The following NLRP10 variants were observed in gnomAD, a reference collection of about 807,000 sequenced individuals.
The protein encoded by NLRP10 is NACHT, LRR and PYD domains-containing protein 10.
In NLRP10, 7 loss-of-function variants were observed where a neutral mutation model predicts 8.2. That is an observed-to-expected ratio of 0.85 (90% CI 0.48 to 1.60). NLRP10 has a LOEUF of 1.60. Among genes scored for constraint, NLRP10 ranks in the 40% most tolerant of loss-of-function variants. NLRP10 has a pLI of 0.00. For synonymous variants in NLRP10, 338 were observed against 314.0 expected (o/e 1.08, Z -0.81); for missense variants, 814 against 776.3 (o/e 1.05, Z -0.58).
rs1941649238 is a variant in NLRP10, at chr11:7,958,051, C to A, written c.*1593G>T. On this transcript the variant is annotated 3_prime_UTR_variant, in exon 3 of 3. Transcript: ENST00000691676. ...CATATCTTTTCATGTCTTAATTGCT[C>A]ATTTATTTTTATCACTGAATACTAT... Among the ~76,000 whole-genome samples the A allele has an allele frequency of 6.6e-6, 1 of 152,142 alleles. No homozygotes were observed. The highest frequency in any genetic ancestry group is 2.1e-4 in the South Asian group (1 of 4,824).
chr11:7,962,546 T>C (rs569078968), intron 2 of NLRP10, among the ~76,000 whole-genome samples: 1 of 152,248 alleles, frequency 6.6e-6, no homozygotes, highest in Admixed American at 6.5e-5. Flanking sequence ...GATAAGCCTG[T>C]TCTTGGGAAA....
intron 1 of NLRP10, 96 bp from the exon 2 acceptor site, chr11:7,963,636 C>T (rs547226652): frequency 1.2e-5 from 8 of 655,156 alleles, no homozygotes; most frequent in East Asian, 8.2e-5. Context: ...CAGGGAGAGA[C>T]GAGATACATG....
rs769424048 is a variant in NLRP10, at chr11:7,961,035, C to T, written c.577G>A (p.Gly193Ser). The T allele has an allele frequency of 1.7e-5, 27 of 1,614,066 alleles. No individual in the cohort carries two copies. In the East Asian group the frequency reaches 3.8e-4, roughly 23 times the overall value. ...TCAAACCGGCCTGGGTACAGAGTAC[C>T]GGTGGCCCAGTCCAACACCATTTTT... ...ARKMVLDWAT[G>S]TLYPGRFDYV... is the part of the protein sequence containing the mutation. Residue 193 changes from glycine to serine, a missense_variant, in exon 3 of 3, where the codon GGT becomes AGT. By Grantham distance (56) the Gly-to-Ser change is moderately conservative. Transcript: ENST00000691676.
intron 1 of NLRP10, 110 bp downstream of exon 1, chr11:7,965,136 A>C (rs548574915): frequency 3.3e-5 from 5 of 152,304 alleles, no homozygotes; most frequent in Admixed American, 3.3e-4. Flanking sequence ...GCATGGGAAG[A>C]CTCAGGGCTT....
chr11:7,964,268 A>G (rs930924024), intron 1 of NLRP10, among the ~76,000 whole-genome samples: 1 of 152,190 alleles, frequency 6.6e-6, no homozygotes, highest in Admixed American at 6.5e-5. Flanking sequence ...GTGTGAACCT[A>G]TAGAAAGCTG....
Position 7,960,625 on chromosome 11 carries a change from C to T in NLRP10, c.987G>A (p.Thr329=), listed in dbSNP as rs1941701689. The T allele has an allele frequency of 1.2e-6, 2 of 1,614,138 alleles. No homozygotes were observed. The highest frequency in any genetic ancestry group is 1.7e-6 in the Non-Finnish European group (2 of 1,180,032). The change falls in exon 3 of 3, where the codon ACG becomes ACA. Residue 329 remains threonine, a synonymous_variant. Coordinates refer to ENST00000691676, the MANE Select transcript of NLRP10 (RefSeq NM_001391958.1). ...ERARYFSSYF[T]DEKQADRAFD... ...AGGCACGGTCAGCTTGCTTCTCATCCGTGAAATAGGAGCTGAAGTACCTCG... is the reference window on the plus strand; with the variant it reads ...AGGCACGGTCAGCTTGCTTCTCATCTGTGAAATAGGAGCTGAAGTACCTCG...
chr11:7,963,154 G>C, intron 2 of NLRP10, 53 bp downstream of exon 2: 1 of 1,545,754 alleles, frequency 6.5e-7, no homozygotes, highest in Non-Finnish European at 8.8e-7. Flanking sequence ...TGCCATGGTG[G>C]GAGGGGAGTC....
chr11:7,957,970 T>C lies in NLRP10; in HGVS notation c.*1674A>G, dbSNP rs1564876300. 6.6e-6 allele frequency among the ~76,000 whole-genome samples: 1 copy of C among 152,248 alleles called. No individual in the cohort carries two copies. Among genetic ancestry groups the C allele is most frequent in the Non-Finnish European group, 1.5e-5 (1 of 68,040 alleles). On this transcript the variant is annotated 3_prime_UTR_variant, in exon 3 of 3. Transcript: ENST00000691676. ...AGAGCATATATTTGGAATTACACAG[T>C]ATGTAGCCTTTTCAGACTGACTTCT... is the stretch of plus-strand genomic sequence containing the variant.
In NLRP10 at chr11:7,964,414, A is replaced by G. The variant is rs147192672; in HGVS notation, c.-46+832T>C. 5.7e-3 allele frequency among the ~76,000 whole-genome samples: 865 copies of G among 152,366 alleles called. 4 individuals are homozygous for G. The highest frequency in any genetic ancestry group is 9.4e-3 in the Non-Finnish European group (642 of 68,040). ...AAGCTAGAAGTCTCCTAATTCAAAT[A>G]AGGAAACAAATCCAGATAATGATAG... On this transcript the variant is annotated intron_variant, in intron 1 of 2. Coordinates refer to ENST00000691676, the MANE Select transcript of NLRP10 (RefSeq NM_001391958.1).
chr11:7,960,562 C>G lies in NLRP10; in HGVS notation c.1050G>C (p.Ala350=), dbSNP rs1383879843. ...IVQKNDILYK[A]CQVPGICWVV... is the part of the protein sequence containing the mutation. The stretch of plus-strand genomic sequence containing the variant: ...CCCAGCAAATGCCTGGAACCTGACA[C>G]GCTTTGTAGAGAATGTCATTTTTCT... The change falls in exon 3 of 3, where the codon GCG becomes GCC. Residue 350 remains alanine (A), a synonymous_variant. Transcript: ENST00000691676. 2.5e-6 allele frequency: 4 copies of G among 1,614,206 alleles called. No individual in the cohort carries two copies. In the South Asian group the frequency reaches 4.4e-5, roughly 18 times the overall value.
In NLRP10 at chr11:7,960,334, G is replaced by A. The variant is rs373870786; in HGVS notation, c.1278C>T (p.Phe426=). Residue 426 remains phenylalanine (F), a synonymous_variant, in exon 3 of 3, where the codon TTC becomes TTT. Transcript: ENST00000691676. ...LAAEGIQHQR[F]LFEEAELRKH... is the part of the protein sequence containing the mutation. ...TCCTGAGCTCAGCTTCTTCAAATAGGAACCTCTGGTGCTGAATCCCTTCAG... is the reference window on the plus strand; with the variant it reads ...TCCTGAGCTCAGCTTCTTCAAATAGAAACCTCTGGTGCTGAATCCCTTCAG... 1.9e-6 allele frequency: 3 copies of A among 1,614,064 alleles called. No homozygotes were observed. Among genetic ancestry groups the A allele is most frequent in the East Asian group, 2.2e-5 (1 of 44,886 alleles).
rs771892493 is a variant in NLRP10 at position 7,960,726 on chromosome 11, C to G, written c.886G>C (p.Ala296Pro). Residue 296 changes from alanine to proline, a missense_variant, in exon 3 of 3, where the codon GCT becomes CCT. Coordinates refer to ENST00000691676, the MANE Select transcript of NLRP10 (RefSeq NM_001391958.1). Reference protein sequence around the residue: ...CSLLITTRPLALRNLEPLLKQ... With the variant: ...CSLLITTRPLPLRNLEPLLKQ... ...AGCAAGGGCTCCAGATTCCTCAAAG[C>G]CAGGGGCCGGGTGGTGATGAGAAGG... 32 of 1,614,020 alleles carry G rather than the reference C, an allele frequency of 2.0e-5. No individual in the cohort carries two copies. The highest frequency in any genetic ancestry group is 2.7e-5 in the Non-Finnish European group (32 of 1,180,040).
In NLRP10 at chr11:7,959,913, G is replaced by A; in HGVS notation, c.1699C>T (p.Leu567=). Residue 567 remains leucine (L), a synonymous_variant, in exon 3 of 3, where the codon CTG becomes TTG. Transcript: ENST00000691676. ...HNRTWDLEFS[L]YEAKIKNLVK... Reference sequence around the variant, plus strand: ...AGATTCTTTATTTTAGCTTCATACAGGGAGAATTCCAAATCCCAGGTCCTG... The same window carrying A: ...AGATTCTTTATTTTAGCTTCATACAAGGAGAATTCCAAATCCCAGGTCCTG... The A allele has an allele frequency of 6.2e-7, 1 of 1,613,972 alleles. No individual in the cohort carries two copies. The highest frequency in any genetic ancestry group is 8.5e-7 in the Non-Finnish European group (1 of 1,179,912).
Position 7,958,144 on chromosome 11 carries a change from A to G in NLRP10, c.*1500T>C, listed in dbSNP as rs1285209882. Among the ~76,000 whole-genome samples, 1 of 152,162 alleles carries G rather than the reference A, an allele frequency of 6.6e-6. No homozygotes were observed. The highest frequency in any genetic ancestry group is 1.9e-4 in the East Asian group (1 of 5,192). On this transcript the variant is annotated 3_prime_UTR_variant, in exon 3 of 3. Coordinates refer to ENST00000691676, the MANE Select transcript of NLRP10 (RefSeq NM_001391958.1). ...TTGAAGGACATCTTGGTTGCTTCCA[A>G]ATTTGGGCAATTACGAATAAAGCTG...
chr11:7,963,903 GAAAA>G (rs1454012526), intron 1 of NLRP10, among the ~76,000 whole-genome samples: 1 of 150,414 alleles, frequency 6.6e-6, no homozygotes. Flanking sequence ...GATGGATTAA[GAAAA>G]AAAAGTCTAA....
intron 2 of NLRP10, among the ~76,000 whole-genome samples, chr11:7,962,141 C>A (rs184054839): frequency 6.6e-6 from 1 of 151,512 alleles, no homozygotes; most frequent in Non-Finnish European, 1.5e-5. Context: ...CCTGCCAAAC[C>A]ATGAGCCAAA....
At chr11:7,961,992 G>T (rs1470067790) in intron 2 of NLRP10, among the ~76,000 whole-genome samples, 1 of 146,342 alleles carries the variant, frequency 6.8e-6, no homozygotes, top group Non-Finnish European at 1.5e-5. Flanking sequence ...GTTGTTTAAA[G>T]AGCCTGGCAC....
rs971547331 is a variant in NLRP10 at position 7,958,889 on chromosome 11, GAT to G, written c.*753_*754del. On this transcript the variant is annotated 3_prime_UTR_variant, in exon 3 of 3. Coordinates refer to ENST00000691676, the MANE Select transcript of NLRP10 (RefSeq NM_001391958.1). ...TTTTTTTTACCCAAGTCTTTTATCA[GAT>G]ATGTGTTTGCAAATATTTTCTCCCA... is the stretch of plus-strand genomic sequence containing the variant. Among the ~76,000 whole-genome samples the G allele has an allele frequency of 5.9e-5, 9 of 152,022 alleles. No homozygotes were observed.
In NLRP10 at chr11:7,959,744, CCATGG is replaced by C; in HGVS notation, c.1863_1867del (p.His622ThrfsTer7). ...TATATTATCTTTGCCCTCCTTCTGT[CCATGG>C]ACAGAAGGACATTTTTGCTCCTCCT... On this transcript the variant is annotated frameshift_variant, in exon 3 of 3. Transcript: ENST00000691676. LOFTEE classifies it low-confidence loss of function (END_TRUNC). 6.2e-7 allele frequency: 1 copy of C among 1,613,656 alleles called. No individual in the cohort carries two copies. The highest frequency in any genetic ancestry group is 1.6e-4 in the Middle Eastern group (1 of 6,062).
Sources: gnomAD v4.1 joint callset for allele counts (sites outside exome capture counted in the v4.1 genomes callset) on GRCh38, gnomAD v4.1.1 for gene constraint, MANE v1.5 for transcripts, NCBI Gene and HGNC (gene_info 2026-07-23, HGNC 2026-07-21) for gene names.